The following NDST4 variants were observed in gnomAD, a reference collection of about 807,000 sequenced individuals.
NDST4 encodes N-heparan sulfate sulfotransferase 4.
Under a neutral mutation model 100.8 loss-of-function variants are expected in NDST4, and 63 were observed. That is an observed-to-expected ratio of 0.62 (90% CI 0.51 to 0.77). The LOEUF (loss-of-function observed/expected upper bound fraction) is 0.77. Ranked by LOEUF, NDST4 falls within the 30% of genes least tolerant of loss-of-function variation. The pLI is 0.00. For missense variants in NDST4, 943 were observed against 1,018.4 expected (o/e 0.93, Z 1.01); for synonymous variants, 377 against 361.8 (o/e 1.04, Z -0.48).
intron 12 of NDST4, among the ~76,000 whole-genome samples, chr4:114,831,490 T>C (rs1216189501): frequency 6.6e-6 from 1 of 152,194 alleles, no homozygotes; most frequent in Non-Finnish European, 1.5e-5. Flanking sequence ...CTAAACATTG[T>C]TTTCTGCCTC....
intron 3 of NDST4, among the ~76,000 whole-genome samples, chr4:114,975,562 T>C (rs1726614659): frequency 6.6e-6 from 1 of 152,122 alleles, no homozygotes; most frequent in Non-Finnish European, 1.5e-5. Context: ...ATGTTCAGTG[T>C]TTTAAAGAAG....
At chr4:114,935,983 C>T (rs1010074428) in intron 5 of NDST4, among the ~76,000 whole-genome samples, 7 of 150,916 alleles carry the variant, frequency 4.6e-5, no homozygotes, top group African/African-American at 1.5e-4. Context: ...CATCTAATTG[C>T]CTACAGTTTT....
At chr4:114,882,792 C>A (rs1724398764) in intron 6 of NDST4, among the ~76,000 whole-genome samples, 1 of 151,658 alleles carries the variant, frequency 6.6e-6, no homozygotes, top group African/African-American at 2.4e-5. Context: ...GGATAAGTAC[C>A]AAACAAACAT....
intron 10 of NDST4, among the ~76,000 whole-genome samples, chr4:114,844,860 T>C (rs1333570481): frequency 6.6e-6 from 1 of 152,208 alleles, no homozygotes; most frequent in African/African-American, 2.4e-5. Flanking sequence ...TCCCTTATGA[T>C]CAATTACAGA....
At chr4:115,101,917 G>C (rs1729738037) in intron 1 of NDST4, among the ~76,000 whole-genome samples, 2 of 152,088 alleles carry the variant, frequency 1.3e-5, no homozygotes, top group African/African-American at 4.8e-5. Context: ...GATGTAAATT[G>C]TTTTAGCCAT....
At chr4:114,901,962 C>A (rs1418355372) in intron 6 of NDST4, among the ~76,000 whole-genome samples, 1 of 151,786 alleles carries the variant, frequency 6.6e-6, no homozygotes, top group African/African-American at 2.4e-5. Context: ...AAAAGAAATC[C>A]TAATTTCTCC....
intron 2 of NDST4, among the ~76,000 whole-genome samples, chr4:115,054,679 G>C (rs542460008): frequency 1.3e-5 from 2 of 152,234 alleles, no homozygotes; most frequent in African/African-American, 4.8e-5. Context: ...TTCCTTTGTA[G>C]ACCATTCCAG....
At chr4:114,978,445 C>A (rs1188823693) in intron 2 of NDST4, among the ~76,000 whole-genome samples, 1 of 151,952 alleles carries the variant, frequency 6.6e-6, no homozygotes, top group African/African-American at 2.4e-5. Context: ...TCCAAGACCA[C>A]AATTAGACTG....
At chr4:115,084,871 G>A (rs1729376852) in intron 1 of NDST4, among the ~76,000 whole-genome samples, 1 of 66,094 alleles carries the variant, frequency 1.5e-5, no homozygotes, top group East Asian at 4.4e-4. Context: ...ATGTGGGGTT[G>A]TAGCCACCCC....
chr4:115,080,758 T>G (rs898990664), intron 1 of NDST4, among the ~76,000 whole-genome samples: 5 of 152,028 alleles, frequency 3.3e-5, no homozygotes, highest in Non-Finnish European at 7.4e-5. Flanking sequence ...AGATTATTAA[T>G]CTTATATCAA....
chr4:114,960,658 CA>C (rs1362902294), intron 4 of NDST4, among the ~76,000 whole-genome samples: 2 of 151,978 alleles, frequency 1.3e-5, no homozygotes, highest in Admixed American at 6.6e-5. Flanking sequence ...ATTTAAAAAG[CA>C]ATGATAGAAA....
chr4:114,931,482 C>T (rs1193506883), intron 6 of NDST4, among the ~76,000 whole-genome samples: 2 of 150,412 alleles, frequency 1.3e-5, no homozygotes, highest in Non-Finnish European at 3.0e-5. Flanking sequence ...AGTCCAAAGT[C>T]AGCAGAAAGA....
At chr4:114,994,417 T>G (rs1257730915) in intron 2 of NDST4, among the ~76,000 whole-genome samples, 1 of 151,990 alleles carries the variant, frequency 6.6e-6, no homozygotes, top group Non-Finnish European at 1.5e-5. Context: ...GCTTTTTTTC[T>G]GTCTTTCTTT....
At chr4:115,024,324 A>T (rs1006167340) in intron 2 of NDST4, among the ~76,000 whole-genome samples, 6 of 152,160 alleles carry the variant, frequency 3.9e-5, no homozygotes, top group African/African-American at 1.4e-4. Flanking sequence ...AAACTCCACC[A>T]CTTGAAAGCT....
intron 2 of NDST4, among the ~76,000 whole-genome samples, chr4:115,073,449 T>C (rs1729118866): frequency 6.6e-6 from 1 of 151,794 alleles, no homozygotes; most frequent in Non-Finnish European, 1.5e-5. Flanking sequence ...ATAAAGAAAA[T>C]GGGGTACATA....
intron 6 of NDST4, among the ~76,000 whole-genome samples, chr4:114,880,151 T>A (rs1724336123): frequency 6.6e-6 from 1 of 152,188 alleles, no homozygotes; most frequent in South Asian, 2.1e-4. Flanking sequence ...TGCTTTACTC[T>A]CTATTTTTCT....
chr4:114,994,967 C>A (rs1175783446), intron 2 of NDST4, among the ~76,000 whole-genome samples: 5 of 151,890 alleles, frequency 3.3e-5, no homozygotes, highest in Non-Finnish European at 7.4e-5. Flanking sequence ...TAGGTCACTT[C>A]AGGAAGTCTG....
chr4:115,024,600 A>G (rs1727940383), intron 2 of NDST4, among the ~76,000 whole-genome samples: 2 of 152,126 alleles, frequency 1.3e-5, no homozygotes, highest in African/African-American at 4.8e-5. Flanking sequence ...TTAAAGCTGG[A>G]GGAAATTTGC....
chr4:114,913,731 G>GA (rs56189208), intron 6 of NDST4, among the ~76,000 whole-genome samples: 122 of 125,982 alleles, frequency 9.7e-4, no homozygotes, highest in East Asian at 3.9e-3. Context: ...CTATCTCCAA[G>GA]AAAAAAAAAA....
Sources: allele counts gnomAD v4.1 joint callset (sites outside exome capture counted in the v4.1 genomes callset), GRCh38; gene constraint gnomAD v4.1.1; transcripts MANE v1.5; gene names NCBI Gene and HGNC (gene_info 2026-07-23, HGNC 2026-07-21).